CTNNA3: variants seen among roughly 807,000 people sequenced by gnomAD.
CTNNA3 encodes catenin alpha-3.
CTNNA3 carries 76 observed loss-of-function variants against 95.7 expected under a neutral mutation model. The observed-to-expected ratio is 0.79, with a 90% CI of 0.66 to 0.96. The LOEUF (loss-of-function observed/expected upper bound fraction) is 0.96. Ranked by LOEUF, CTNNA3 falls within the 40% of genes least tolerant of loss-of-function variation. The pLI, the probability that CTNNA3 is intolerant of heterozygous loss-of-function variation, is 0.00. For missense variants in CTNNA3, 1,191 were observed against 1,089.8 expected, an observed-to-expected ratio of 1.09 and a Z score of -1.31; for synonymous variants, 431 against 374.4, an observed-to-expected ratio of 1.15 and a Z score of -1.74.
At chr10:65,922,112 GGT>G (rs2077096183) in intron 17 of CTNNA3, among the ~76,000 whole-genome samples, 1 of 152,092 alleles carries the variant, frequency 6.6e-6, no homozygotes, top group Admixed American at 6.6e-5. Flanking sequence ...AAGTAAGTCT[GGT>G]TCTACCTTGC....
intron 5 of CTNNA3, among the ~76,000 whole-genome samples, chr10:67,379,844 AC>A (rs760140240): frequency 3.0e-4 from 45 of 151,508 alleles, no homozygotes; most frequent in Non-Finnish European, 5.0e-4. Context: ...AAACGGTGAA[AC>A]CCCGTCTCTA....
chr10:66,553,330 CTAT>C (rs1252488831), intron 10 of CTNNA3, among the ~76,000 whole-genome samples: 1 of 146,048 alleles, frequency 6.8e-6, no homozygotes, highest in East Asian at 1.9e-4. Flanking sequence ...ACTTTATACT[CTAT>C]ATTTGTCCTA....
chr10:66,944,346 T>C (rs953219792), intron 7 of CTNNA3, among the ~76,000 whole-genome samples: 1 of 152,212 alleles, frequency 6.6e-6, no homozygotes, highest in Middle Eastern at 3.2e-3. Context: ...AGTTTGATCA[T>C]GAGGTTGCAG....
At chr10:66,914,135 T>TTG (rs1169683690) in intron 7 of CTNNA3, among the ~76,000 whole-genome samples, 1 of 148,592 alleles carries the variant, frequency 6.7e-6, no homozygotes, top group Non-Finnish European at 1.5e-5. Context: ...GCCTTCTTTT[T>TTG]TTTTTTTTTT....
chr10:66,262,008 T>A (rs902417011), intron 13 of CTNNA3, among the ~76,000 whole-genome samples: 29 of 152,068 alleles, frequency 1.9e-4, no homozygotes, highest in African/African-American at 7.0e-4. Context: ...TAAACCTCTT[T>A]CTCTGCTGTA....
intron 7 of CTNNA3, among the ~76,000 whole-genome samples, chr10:66,797,721 T>A (rs1841263484): frequency 6.6e-6 from 1 of 151,974 alleles, no homozygotes; most frequent in Admixed American, 6.6e-5. Flanking sequence ...TGTCTGTGAT[T>A]GTCCTTGCCC....
At chr10:65,941,100 ACAGTAAG>A (rs1294276296) in intron 17 of CTNNA3, among the ~76,000 whole-genome samples, 1 of 152,246 alleles carries the variant, frequency 6.6e-6, no homozygotes, top group Non-Finnish European at 1.5e-5. Flanking sequence ...GTTCAAATGC[ACAGTAAG>A]CAGTGCTTAT....
intron 7 of CTNNA3, among the ~76,000 whole-genome samples, chr10:66,877,360 C>A (rs1322773188): frequency 2.6e-5 from 4 of 152,130 alleles, no homozygotes; most frequent in African/African-American, 9.7e-5. Context: ...TGAAACTGTT[C>A]TTTTGCACAG....
At chr10:67,604,083 C>T (rs1041971652) in intron 3 of CTNNA3, among the ~76,000 whole-genome samples, 5 of 152,082 alleles carry the variant, frequency 3.3e-5, no homozygotes, top group Admixed American at 6.6e-5. Context: ...ACATGCTGTA[C>T]GAGTTTGTAG....
chr10:66,192,558 G>C (rs1421404617), intron 13 of CTNNA3, among the ~76,000 whole-genome samples: 1 of 152,080 alleles, frequency 6.6e-6, no homozygotes, highest in South Asian at 2.1e-4. Flanking sequence ...TATTTTTCCT[G>C]TACTTTTAAG....
chr10:67,415,278 G>T (rs1845504793), intron 5 of CTNNA3, among the ~76,000 whole-genome samples: 1 of 152,096 alleles, frequency 6.6e-6, no homozygotes, highest in African/African-American at 2.4e-5. Flanking sequence ...AAGGTTCCAA[G>T]AATTAATAAG....
At chr10:67,118,348 C>T (rs551175853) in intron 7 of CTNNA3, among the ~76,000 whole-genome samples, 13 of 152,012 alleles carry the variant, frequency 8.6e-5, no homozygotes, top group South Asian at 2.1e-4. Context: ...CATTCCTCTC[C>T]GATATCCATT....
intron 15 of CTNNA3, among the ~76,000 whole-genome samples, chr10:66,039,817 C>T (rs753633189): frequency 1.8e-4 from 27 of 152,132 alleles, no homozygotes; most frequent in Admixed American, 1.6e-3. Flanking sequence ...GACATATGAA[C>T]GGGCAAAGAT....
At chr10:67,292,185 C>T (rs950685405) in intron 5 of CTNNA3, among the ~76,000 whole-genome samples, 2 of 151,984 alleles carry the variant, frequency 1.3e-5, no homozygotes, top group Admixed American at 1.3e-4. Flanking sequence ...TTCTTTATGG[C>T]CAGTTTTTAC....
chr10:67,358,888 G>A (rs1411013645), intron 5 of CTNNA3, among the ~76,000 whole-genome samples: 1 of 151,992 alleles, frequency 6.6e-6, no homozygotes, highest in Non-Finnish European at 1.5e-5. Flanking sequence ...TTTGGTAAGG[G>A]GGTCATCACT....
chr10:67,208,396 T>A (rs1904642), intron 6 of CTNNA3, among the ~76,000 whole-genome samples: 6,169 of 128,616 alleles, frequency 0.048, 190 homozygotes, highest in South Asian at 0.1. Context: ...AAAAAAAAAA[T>A]AGCCACAGAA....
intron 1 of CTNNA3, among the ~76,000 whole-genome samples, chr10:67,742,414 T>C (rs903359088): frequency 1.3e-5 from 2 of 150,914 alleles, no homozygotes; most frequent in East Asian, 1.9e-4. Flanking sequence ...GGGTACATAA[T>C]GAAATGAAGG....
intron 7 of CTNNA3, among the ~76,000 whole-genome samples, chr10:67,018,248 G>A (rs1286789720): frequency 6.6e-6 from 1 of 151,956 alleles, no homozygotes; most frequent in Non-Finnish European, 1.5e-5. Flanking sequence ...GAGCATAAAG[G>A]CATATGAGGC....
chr10:66,470,232 G>A (rs529708766), intron 11 of CTNNA3, among the ~76,000 whole-genome samples: 1 of 151,908 alleles, frequency 6.6e-6, no homozygotes, highest in African/African-American at 2.4e-5. Flanking sequence ...GTTTGCTGTT[G>A]TTTTTAATCT....
Sources: allele counts gnomAD v4.1 joint callset (sites outside exome capture counted in the v4.1 genomes callset), GRCh38; gene constraint gnomAD v4.1.1; transcripts MANE v1.5; gene names NCBI Gene and HGNC (gene_info 2026-07-23, HGNC 2026-07-21).